UBE2W: variants seen among roughly 807,000 people sequenced by gnomAD.
UBE2W encodes the protein ubiquitin-conjugating enzyme E2 W.
Under a neutral mutation model 27.2 loss-of-function variants are expected in UBE2W, and 18 were observed. The ratio of observed to expected loss-of-function variants is 0.66; its 90% CI spans 0.46 to 0.98. The LOEUF is 0.98. UBE2W is among the 50% of genes least tolerant of loss of function. UBE2W has a pLI of 0.00. For missense variants in UBE2W, 90 were observed against 180.2 expected (o/e 0.50, Z 2.87); for synonymous variants, 53 against 57.2 (o/e 0.93, Z 0.33).
intron 1 of UBE2W, 53 bp downstream of exon 1, chr8:73,878,755 G>A: frequency 6.8e-7 from 1 of 1,474,124 alleles, no homozygotes; most frequent in Middle Eastern, 1.7e-4. Context: ...CCCGAACGCT[G>A]GCACTCTCTC....
Position 73,805,696 on chromosome 8 carries a change from G to A in UBE2W, c.397C>T (p.Arg133Ter), listed in dbSNP as rs1373683191. The A allele has an allele frequency of 5.2e-6, 8 of 1,532,244 alleles. No homozygotes were observed. Among genetic ancestry groups the A allele is most frequent in the African/African-American group, 2.7e-5 (2 of 73,314 alleles). The allele number at this position is 1,532,244 out of a possible 1,614,324, so 94.9% of individuals were successfully genotyped here. A position where few individuals can be genotyped will look rare whatever the true frequency, so the allele number is the denominator to read the frequency against. ...RRPPDNSFYV[R>*]TCNKNPKKTK... ...TTCTTTGGATTCTTGTTACATGTTC[G>A]CACATAAAAAGAATTATCCGGTGGT... Residue 133 changes from arginine (R) to a stop codon, truncating the protein, a stop_gained, in exon 5 of 6, where the codon CGA (arginine) becomes TGA (stop). Coordinates refer to ENST00000602593, the MANE Select transcript of UBE2W (RefSeq NM_018299.6). LOFTEE classifies it high-confidence loss of function.
At chr8:73,869,449 A>G (rs1019399924) in intron 1 of UBE2W, among the ~76,000 whole-genome samples, 27 of 152,246 alleles carry the variant, frequency 1.8e-4, no homozygotes, top group African/African-American at 6.0e-4. Context: ...CCAGCACTTT[A>G]AGAGGCCAAG....
At chr8:73,830,757 A>G (rs1057106758) in intron 1 of UBE2W, among the ~76,000 whole-genome samples, 4 of 152,122 alleles carry the variant, frequency 2.6e-5, no homozygotes, top group Admixed American at 6.5e-5. Context: ...AAGTGCTGAG[A>G]TTACAAGTGT....
At chr8:73,822,271 G>T (rs986125649) in intron 3 of UBE2W, among the ~76,000 whole-genome samples, 2 of 152,072 alleles carry the variant, frequency 1.3e-5, no homozygotes, top group Admixed American at 1.3e-4. Flanking sequence ...CTGTTGAGAG[G>T]GGGCACTGAG....
At chr8:73,834,037 C>T (rs1049899927) in intron 1 of UBE2W, 2 of 152,220 alleles carry the variant, frequency 1.3e-5, no homozygotes, top group African/African-American at 4.8e-5. Flanking sequence ...CTACACTACA[C>T]CCAGCGTAAG....
intron 5 of UBE2W, among the ~76,000 whole-genome samples, chr8:73,795,486 T>TC (rs1164488471): frequency 6.6e-6 from 1 of 152,166 alleles, no homozygotes; most frequent in African/African-American, 2.4e-5. Flanking sequence ...CTCTACAGTC[T>TC]TCCAAACTGT....
intron 1 of UBE2W, chr8:73,870,355 T>C: frequency 6.5e-7 from 1 of 1,529,798 alleles, no homozygotes; most frequent in Non-Finnish European, 8.8e-7. Flanking sequence ...GGAAATCTAT[T>C]TTTTCCATTG....
At chr8:73,858,373 A>C (rs1313093277) in intron 1 of UBE2W, among the ~76,000 whole-genome samples, 3 of 151,374 alleles carry the variant, frequency 2.0e-5, no homozygotes, top group Non-Finnish European at 4.4e-5. Flanking sequence ...AAAAAAAAAA[A>C]AAAAAAGAAC....
chr8:73,842,759 T>A (rs1810599576), intron 1 of UBE2W, among the ~76,000 whole-genome samples: 1 of 152,130 alleles, frequency 6.6e-6, no homozygotes, highest in Admixed American at 6.5e-5. Flanking sequence ...AAAGAGGACA[T>A]ACTGTTTGCA....
chr8:73,866,297 A>G (rs1444808812), intron 1 of UBE2W, among the ~76,000 whole-genome samples: 5 of 124,344 alleles, frequency 4.0e-5, no homozygotes, highest in Admixed American at 8.0e-5. Flanking sequence ...AAAAATATAT[A>G]TATATATATA....
rs1218443340 is a variant in UBE2W, at chr8:73,793,751, G to A, written c.*351C>T. 9.7e-7 allele frequency: 1 copy of A among 1,029,574 alleles called. No individual in the cohort carries two copies. The highest frequency in any genetic ancestry group is 1.2e-6 in the Non-Finnish European group (1 of 858,876). The allele number at this position is 1,029,574 out of a possible 1,614,324, so 63.8% of individuals were successfully genotyped here. A position where few individuals can be genotyped will look rare whatever the true frequency, so the allele number is the denominator to read the frequency against. On this transcript the variant is annotated 3_prime_UTR_variant, in exon 6 of 6. Transcript: ENST00000602593. The stretch of plus-strand genomic sequence containing the variant: ...TTTCCTGTTACAACGCCCATTGCCG[G>A]CAATGAACGTACCAAAACCGCCAAG...
intron 1 of UBE2W, among the ~76,000 whole-genome samples, chr8:73,837,556 T>A (rs1810360523): frequency 6.6e-6 from 1 of 152,202 alleles, no homozygotes; most frequent in Non-Finnish European, 1.5e-5. Context: ...AGTTTAATTT[T>A]CCTAAGTCTA....
intron 3 of UBE2W, among the ~76,000 whole-genome samples, chr8:73,822,783 C>A (rs1809679044): frequency 6.6e-6 from 1 of 150,728 alleles, no homozygotes; most frequent in African/African-American, 2.4e-5. Flanking sequence ...GACGCTGTCT[C>A]AAAAAAAACA....
At chr8:73,810,734 A>C (rs1036193290) in intron 3 of UBE2W, 105 bp from the exon 4 acceptor site, 9 of 890,162 alleles carry the variant, frequency 1.0e-5, no homozygotes, top group Non-Finnish European at 1.4e-5. Context: ...ACAAAAAACC[A>C]CCAAAATCAG....
At chr8:73,840,352 A>G (rs1810490677) in intron 1 of UBE2W, among the ~76,000 whole-genome samples, 1 of 152,208 alleles carries the variant, frequency 6.6e-6, no homozygotes, top group Admixed American at 6.5e-5. Flanking sequence ...CACCACATCC[A>G]GCCAAAGCTC....
chr8:73,836,374 C>T (rs1810309193), intron 1 of UBE2W, among the ~76,000 whole-genome samples: 3 of 152,172 alleles, frequency 2.0e-5, no homozygotes, highest in Admixed American at 2.0e-4. Context: ...ACTACATTCA[C>T]AAATAAAACA....
In UBE2W at chr8:73,790,550, A is replaced by G. The variant is rs2130836745; in HGVS notation, c.*3552T>C. The G allele has an allele frequency of 1.0e-6, 1 of 983,900 alleles. No individual in the cohort carries two copies. Among genetic ancestry groups the G allele is most frequent in the South Asian group, 4.7e-5 (1 of 21,250 alleles). 60.9% of individuals were successfully genotyped at this position (983,900 alleles called of 1,614,324 possible). A position where few individuals can be genotyped will look rare whatever the true frequency, so the allele number is the denominator to read the frequency against. ...TTAAGCATTCAGCTAAGATATGTAC[A>G]AAAAAATTAATGAAAGTGAGATCAA... On this transcript the variant is annotated 3_prime_UTR_variant, in exon 6 of 6. Coordinates refer to ENST00000602593, the MANE Select transcript of UBE2W (RefSeq NM_018299.6).
intron 1 of UBE2W, among the ~76,000 whole-genome samples, chr8:73,875,191 A>G (rs1812165453): frequency 6.6e-6 from 1 of 152,224 alleles, no homozygotes; most frequent in Non-Finnish European, 1.5e-5. Flanking sequence ...GAAAACCACT[A>G]TCTTGAATTG....
intron 1 of UBE2W, 94 bp from the exon 2 acceptor site, chr8:73,830,566 TC>T (rs1810028374): frequency 1.1e-6 from 1 of 883,800 alleles, no homozygotes. Context: ...GCTCACCACA[TC>T]CTCAAACTCC....
Sources: gnomAD v4.1 joint callset for allele counts (sites outside exome capture counted in the v4.1 genomes callset) on GRCh38, gnomAD v4.1.1 for gene constraint, MANE v1.5 for transcripts, NCBI Gene and HGNC (gene_info 2026-07-23, HGNC 2026-07-21) for gene names.